KLF8: variants seen among roughly 807,000 people sequenced by gnomAD.
The protein encoded by KLF8 is Krueppel-like factor 8.
In KLF8, 10 loss-of-function variants were observed where a neutral mutation model predicts 18.2. The observed-to-expected ratio is 0.55, with a 90% confidence interval of 0.34 to 0.93. KLF8 has a LOEUF of 0.93. KLF8 is among the 40% of genes least tolerant of loss of function. The pLI, the probability that KLF8 is intolerant of heterozygous loss-of-function variation, is 0.02. For missense variants in KLF8, 264 were observed against 277.9 expected, an observed-to-expected ratio of 0.95 and a Z score of 0.36; for synonymous variants, 109 against 97.3, an observed-to-expected ratio of 1.12 and a Z score of -0.71.
chrX:56,097,392 T>A, the KLF8 span, among the ~76,000 whole-genome samples: 3 of 103,528 alleles, frequency 2.9e-5, no homozygotes, highest in Non-Finnish European at 5.9e-5. Flanking sequence ...TGCAGTGGCA[T>A]GACTATAGCT....
chrX:56,144,120 T>A, the KLF8 span, among the ~76,000 whole-genome samples: 2 of 112,029 alleles, frequency 1.8e-5, no homozygotes, highest in African/African-American at 6.5e-5. Context: ...CAACTGGATA[T>A]CCCCATACAA....
the KLF8 span, among the ~76,000 whole-genome samples, chrX:56,121,778 G>A: frequency 1.2e-4 from 13 of 112,054 alleles, no homozygotes; most frequent in African/African-American, 4.2e-4. Flanking sequence ...GAAAGTAGTT[G>A]ATAGTCCTTA....
At chrX:56,026,584 G>A in the KLF8 span, among the ~76,000 whole-genome samples, 4 of 111,576 alleles carry the variant, frequency 3.6e-5, no homozygotes, top group African/African-American at 9.8e-5. Flanking sequence ...TTGACAGTCC[G>A]ATTCATTCGC....
the KLF8 span, among the ~76,000 whole-genome samples, chrX:56,110,092 A>G: frequency 9.0e-6 from 1 of 111,304 alleles, no homozygotes; most frequent in Admixed American, 9.6e-5. Context: ...AGCTCCATCT[A>G]TGTCCCTGCA....
the KLF8 span, among the ~76,000 whole-genome samples, chrX:56,058,267 T>TAC: frequency 1.8e-4 from 5 of 27,125 alleles, no homozygotes; most frequent in Admixed American, 1.1e-3. Flanking sequence ...CACATATATA[T>TAC]ACATATATAT....
At chrX:56,184,067 G>C in the KLF8 span, among the ~76,000 whole-genome samples, 1 of 112,528 alleles carries the variant, frequency 8.9e-6, no homozygotes, top group African/African-American at 3.2e-5. Flanking sequence ...AGCAGAGTGA[G>C]GCATTGCCTC....
chrX:56,101,165 T>C, the KLF8 span, among the ~76,000 whole-genome samples: 1 of 111,900 alleles, frequency 8.9e-6, no homozygotes, highest in Non-Finnish European at 1.9e-5. Context: ...TGTTCCCATC[T>C]TTATGTGCAT....
chrX:55,968,886 T>C, the KLF8 span, among the ~76,000 whole-genome samples: 1 of 111,839 alleles, frequency 8.9e-6, no homozygotes, highest in African/African-American at 3.2e-5. Flanking sequence ...GATAAGGTGG[T>C]CAATTCAGCA....
At chrX:56,194,826 T>A in the KLF8 span, among the ~76,000 whole-genome samples, 1 of 111,914 alleles carries the variant, frequency 8.9e-6, no homozygotes, top group South Asian at 3.7e-4. Flanking sequence ...ACACCTCATA[T>A]AGGCAGCTAC....
chrX:56,068,762 C>T, the KLF8 span, among the ~76,000 whole-genome samples: 4 of 108,885 alleles, frequency 3.7e-5, no homozygotes, highest in East Asian at 3.0e-4. Flanking sequence ...ACAGCAGCCC[C>T]GCTTCTGCGT....
At chrX:56,253,764 C>CTTTTTTTTTTTTTTTTTTTTTTTTT (rs60291877) in intron 2 of KLF8, among the ~76,000 whole-genome samples, 1 of 60,114 alleles carries the variant, frequency 1.7e-5, no homozygotes, top group African/African-American at 7.2e-5. Flanking sequence ...TTTTCTTTTT[C>CTTTTTTTTTTTTTTTTTTTTTTTTT]TTTTTTTTTT....
At chrX:56,095,854 T>C in the KLF8 span, among the ~76,000 whole-genome samples, 1 of 111,645 alleles carries the variant, frequency 9.0e-6, no homozygotes, top group South Asian at 3.8e-4. Flanking sequence ...TTGGTGGGAA[T>C]GTAAATTAGT....
chrX:56,058,233 C>CGTATATAT, the KLF8 span, among the ~76,000 whole-genome samples: 1 of 19,730 alleles, frequency 5.1e-5, no homozygotes, highest in African/African-American at 1.0e-4. Context: ...TATATATATA[C>CGTATATAT]ACACATATAT....
At chrX:56,153,574 C>A in the KLF8 span, among the ~76,000 whole-genome samples, 1 of 110,808 alleles carries the variant, frequency 9.0e-6, no homozygotes, top group African/African-American at 3.3e-5. Context: ...CTGTCTCGTG[C>A]CAGTTTTCAA....
At chrX:56,154,271 A>G in the KLF8 span, among the ~76,000 whole-genome samples, 2 of 111,574 alleles carry the variant, frequency 1.8e-5, no homozygotes, top group South Asian at 7.5e-4. Context: ...GACCAATGGA[A>G]CAGAACAGAG....
the KLF8 span, among the ~76,000 whole-genome samples, chrX:56,028,716 G>A: frequency 6.3e-5 from 7 of 111,381 alleles, no homozygotes; most frequent in Non-Finnish European, 1.3e-4. Context: ...TGTACTGTGT[G>A]GTGACACCTG....
chrX:55,925,299 G>C, the KLF8 span, among the ~76,000 whole-genome samples: 1 of 106,470 alleles, frequency 9.4e-6, no homozygotes, highest in Non-Finnish European at 1.9e-5. Flanking sequence ...ACTTGTTTTT[G>C]AAAGAAGCCT....
At chrX:56,002,491 C>T in the KLF8 span, among the ~76,000 whole-genome samples, 1 of 110,009 alleles carries the variant, frequency 9.1e-6, no homozygotes, top group African/African-American at 3.3e-5. Flanking sequence ...CTGTGAGCTT[C>T]ATGAGAGCAG....
intron 2 of KLF8, among the ~76,000 whole-genome samples, chrX:56,252,790 A>T (rs749871118): frequency 8.9e-6 from 1 of 112,188 alleles, no homozygotes; most frequent in East Asian, 2.8e-4. Context: ...TTTTTTGAGG[A>T]ACCTCCAAAT....
Sources: gnomAD v4.1 joint callset for allele counts (sites outside exome capture counted in the v4.1 genomes callset) on GRCh38, gnomAD v4.1.1 for gene constraint, MANE v1.5 for transcripts, NCBI Gene and HGNC (gene_info 2026-07-23, HGNC 2026-07-21) for gene names.